The following GPM6B variants were observed in gnomAD, a reference collection of about 807,000 sequenced individuals.
GPM6B encodes the protein glycoprotein M6B.
A neutral mutation model predicts 27.2 loss-of-function variants in GPM6B; 4 were observed. The ratio of observed to expected loss-of-function variants is 0.15; its 90% CI spans 0.07 to 0.34. The LOEUF (loss-of-function observed/expected upper bound fraction) is 0.34. GPM6B is among the 10% of genes least tolerant of loss of function. GPM6B has a pLI of 1.00. For synonymous variants in GPM6B, 124 were observed against 103.1 expected (o/e 1.20, Z -1.23); for missense variants, 183 against 261.9 (o/e 0.70, Z 2.08).
At chrX:13,865,097 G>A (rs1012154301) in intron 1 of GPM6B, among the ~76,000 whole-genome samples, 4 of 111,299 alleles carry the variant, frequency 3.6e-5, no homozygotes, top group Non-Finnish European at 7.5e-5. Flanking sequence ...TGACACCATG[G>A]AGAGTGAAAC....
Position 13,923,609 on chromosome X carries a change from G to A in GPM6B, c.-198+14718C>T, listed in dbSNP as rs1921029366. Among the ~76,000 whole-genome samples, 8 of 112,260 alleles carry A rather than the reference G, an allele frequency of 7.1e-5. No homozygotes were observed. The South Asian group carries it at 3.0e-3, about 42-fold the overall frequency. On this transcript the variant is annotated intron_variant, in intron 1 of 6. Transcript: ENST00000398361. The stretch of plus-strand genomic sequence containing the variant: ...TCCATTAAATGTCTTAGGGAAACTA[G>A]GTAATCTTGAATTGACCAAGGAAAT...
At chrX:13,917,974 G>A (rs1469659462) in intron 1 of GPM6B, among the ~76,000 whole-genome samples, 3 of 112,496 alleles carry the variant, frequency 2.7e-5, no homozygotes, top group Non-Finnish European at 5.6e-5. Context: ...ACTAAAATCT[G>A]AAAATTGTTA....
chrX:13,918,481 A>G (rs2050448392), intron 1 of GPM6B, among the ~76,000 whole-genome samples: 1 of 112,547 alleles, frequency 8.9e-6, no homozygotes, highest in Admixed American at 9.4e-5. Flanking sequence ...ACATTTCCTC[A>G]TGGGAATGAA....
chrX:13,868,716 G>C lies in GPM6B; in HGVS notation c.-198+69611C>G, dbSNP rs138401430. Among the ~76,000 whole-genome samples, 275 of 112,344 alleles carry C rather than the reference G, an allele frequency of 2.4e-3. 1 individual carries two copies. Among genetic ancestry groups the C allele is most frequent in the Middle Eastern group, 4.6e-3 (1 of 218 alleles). On this transcript the variant is annotated intron_variant, in intron 1 of 6. Transcript: ENST00000398361. ...ACAGAAAATACTCTGTTTCCACAAA[G>C]TTTGGCAATAGCATTCTTGGACAAC... is the stretch of plus-strand genomic sequence containing the variant.
intron 1 of GPM6B, among the ~76,000 whole-genome samples, chrX:13,886,088 C>CACTT (rs1057152933): frequency 8.9e-6 from 1 of 112,134 alleles, no homozygotes; most frequent in African/African-American, 3.2e-5. Flanking sequence ...ACCTATCTAC[C>CACTT]ACTTTCTCCT....
rs772892841 is a variant in GPM6B at position 13,864,914 on chromosome X, C to T, written c.-198+73413G>A. Among the ~76,000 whole-genome samples, 23 of 112,108 alleles carry T rather than the reference C, an allele frequency of 2.1e-4. No homozygotes were observed. The East Asian group carries it at 6.2e-3, about 30-fold the overall frequency. On this transcript the variant is annotated intron_variant, in intron 1 of 6. Coordinates refer to the GPM6B transcript ENST00000398361. ...TATACAGTGTTTTTCCCTGTATATA[C>T]ATACAATAAAGTTTCATTTATAAAT...
intron 1 of GPM6B, among the ~76,000 whole-genome samples, chrX:13,859,553 T>G (rs1219217707): frequency 9.0e-6 from 1 of 111,240 alleles, no homozygotes; most frequent in South Asian, 3.8e-4. Flanking sequence ...ACAGAGATTT[T>G]TTTTTACATC....
chrX:13,848,904 A>T (rs1445855145), intron 1 of GPM6B, among the ~76,000 whole-genome samples: 4 of 112,235 alleles, frequency 3.6e-5, no homozygotes, highest in Admixed American at 9.5e-5. Flanking sequence ...ACATGGTACA[A>T]TATGGATGAA....
Position 13,776,278 on chromosome X carries a change from A to G in GPM6B, c.797T>C (p.Ile266Thr). The G allele has an allele frequency of 1.7e-6, 2 of 1,209,769 alleles. No individual in the cohort carries two copies. Among genetic ancestry groups the G allele is most frequent in the Non-Finnish European group, 2.2e-6 (2 of 893,697 alleles). Reference sequence around the variant, plus strand: ...GGCACCAGCTCCTGCACAGGCCACAATGAACAGGTGATAGGACATGTAGAA... The same window carrying G: ...GGCACCAGCTCCTGCACAGGCCACAGTGAACAGGTGATAGGACATGTAGAA... ...NEFYMSYHLFIVACAGAGATV... is the reference protein window; with the variant it reads ...NEFYMSYHLFTVACAGAGATV... Residue 266 changes from isoleucine to threonine, a missense_variant, in exon 7 of 8, where the codon ATT (isoleucine) becomes ACT (threonine). Coordinates refer to ENST00000316715, the MANE Select transcript of GPM6B (RefSeq NM_001001995.3).
At chrX:13,774,084 C>G in intron 7 of GPM6B, 1 of 746,051 alleles carries the variant, frequency 1.3e-6, no homozygotes, top group Non-Finnish European at 1.6e-6. Context: ...CAATTTAGAA[C>G]ATATTTGCAA....
intron 1 of GPM6B, chrX:13,889,477 G>C (rs898067906): frequency 9.0e-6 from 1 of 111,396 alleles, no homozygotes; most frequent in Non-Finnish European, 1.9e-5. Flanking sequence ...AGTTTAGTGG[G>C]GAAAGGCATA....
chrX:13,861,138 AATATACATATATAC>A (rs1362296407), intron 1 of GPM6B, among the ~76,000 whole-genome samples: 6 of 76,009 alleles, frequency 7.9e-5, no homozygotes, highest in South Asian at 1.7e-3. Flanking sequence ...ATATATATAT[AATATACATATATAC>A]ATATACACAC....
intron 1 of GPM6B, among the ~76,000 whole-genome samples, chrX:13,925,568 T>G (rs200244267): frequency 1.9e-5 from 2 of 104,950 alleles, no homozygotes; most frequent in East Asian, 6.0e-4. Flanking sequence ...CCTCCTGCCT[T>G]GGCCTCCCAA....
intron 1 of GPM6B, among the ~76,000 whole-genome samples, chrX:13,888,810 C>T (rs972145641): frequency 9.8e-5 from 11 of 111,819 alleles, no homozygotes; most frequent in African/African-American, 3.6e-4. Context: ...GGTAACAATA[C>T]CGCTTTCTCT....
At chrX:13,803,694 T>A (rs1024944500) in intron 2 of GPM6B, among the ~76,000 whole-genome samples, 1 of 112,043 alleles carries the variant, frequency 8.9e-6, no homozygotes, top group African/African-American at 3.2e-5. Flanking sequence ...AAGAGGGAGA[T>A]GAGAGACATT....
intron 2 of GPM6B, among the ~76,000 whole-genome samples, chrX:13,799,574 T>C (rs2048883576): frequency 9.1e-6 from 1 of 109,652 alleles, no homozygotes; most frequent in African/African-American, 3.3e-5. Context: ...ATGTACACAA[T>C]GGACACTAAA....
chrX:13,903,343 G>A (rs2050299471), intron 1 of GPM6B, among the ~76,000 whole-genome samples: 1 of 111,872 alleles, frequency 8.9e-6, no homozygotes, highest in East Asian at 2.8e-4. Flanking sequence ...CATTTGCCAT[G>A]CACCAGGCAC....
intron 1 of GPM6B, among the ~76,000 whole-genome samples, chrX:13,814,097 G>C (rs1466417399): frequency 3.6e-5 from 4 of 112,268 alleles, no homozygotes; most frequent in Non-Finnish European, 7.5e-5. Context: ...CTCTTTGTAG[G>C]AGTTAGTGAA....
chrX:13,907,253 T>C (rs1371212121), intron 1 of GPM6B, among the ~76,000 whole-genome samples: 1 of 112,586 alleles, frequency 8.9e-6, no homozygotes, highest in East Asian at 2.8e-4. Context: ...TTACTCTTTA[T>C]GACAACCCAA....
Sources: gnomAD v4.1 joint callset for allele counts (sites outside exome capture counted in the v4.1 genomes callset) on GRCh38, gnomAD v4.1.1 for gene constraint, MANE v1.5 for transcripts, NCBI Gene and HGNC (gene_info 2026-07-23, HGNC 2026-07-21) for gene names.